The following MRPS6 variants were observed in gnomAD, a reference collection of about 807,000 sequenced individuals.
MRPS6 encodes mitochondrial ribosomal protein S6.
Under a neutral mutation model 13.1 loss-of-function variants are expected in MRPS6, and 6 were observed. The ratio of observed to expected loss-of-function variants is 0.46; its 90% CI spans 0.25 to 0.91. The LOEUF is 0.91. Ranked by LOEUF, MRPS6 falls within the 40% of genes least tolerant of loss-of-function variation. The pLI is 0.18. For synonymous variants in MRPS6, 61 were observed against 56.5 expected, an observed-to-expected ratio of 1.08 and a Z score of -0.36; for missense variants, 164 against 155.6, an observed-to-expected ratio of 1.05 and a Z score of -0.29.
intron 1 of MRPS6, among the ~76,000 whole-genome samples, chr21:34,112,433 A>C (rs1979741652): frequency 6.6e-6 from 1 of 152,332 alleles, no homozygotes; most frequent in African/African-American, 2.4e-5. Flanking sequence ...TTTCAAAAAA[A>C]CAGTTTGAGA....
chr21:34,103,700 A>G (rs969226178), intron 1 of MRPS6: 1 of 1,000,178 alleles, frequency 1.0e-6, no homozygotes, highest in Non-Finnish European at 1.2e-6. Context: ...TATGAGCACT[A>G]CAGTATTGAT....
intron 1 of MRPS6, among the ~76,000 whole-genome samples, chr21:34,113,000 CA>C (rs1192766694): frequency 2.6e-5 from 4 of 151,806 alleles, no homozygotes; most frequent in African/African-American, 9.7e-5. Context: ...CTATCAAAAA[CA>C]AACAAATGAA....
chr21:34,095,331 T>C, intron 1 of MRPS6: 2 of 1,614,106 alleles, frequency 1.2e-6, no homozygotes, highest in Non-Finnish European at 1.7e-6. Flanking sequence ...GGCGGGGCGC[T>C]CTATGACCTG....
chr21:34,126,242 T>C (rs1349894477), intron 2 of MRPS6, among the ~76,000 whole-genome samples: 1 of 152,152 alleles, frequency 6.6e-6, no homozygotes, highest in Non-Finnish European at 1.5e-5. Context: ...AGGTTATGGG[T>C]CTCCCATCTG....
chr21:34,131,041 T>C (rs189135084), intron 2 of MRPS6, among the ~76,000 whole-genome samples: 2 of 152,304 alleles, frequency 1.3e-5, no homozygotes, highest in East Asian at 3.9e-4. Flanking sequence ...TGGTCGAAGG[T>C]GCTGGGAATG....
chr21:34,105,599 G>C, intron 1 of MRPS6: 7 of 999,800 alleles, frequency 7.0e-6, no homozygotes, highest in Non-Finnish European at 7.2e-6. Flanking sequence ...AGTACACTGG[G>C]GGTGTATATT....
intron 1 of MRPS6, among the ~76,000 whole-genome samples, chr21:34,111,198 T>C (rs1270370447): frequency 2.0e-5 from 3 of 152,212 alleles, no homozygotes; most frequent in Non-Finnish European, 4.4e-5. Context: ...ATTTGGGGGC[T>C]ACAAATAAAT....
At chr21:34,108,039 G>T (rs985326990) in intron 1 of MRPS6, among the ~76,000 whole-genome samples, 15 of 152,148 alleles carry the variant, frequency 9.9e-5, no homozygotes, top group Non-Finnish European at 2.2e-4. Context: ...CGTATATGAT[G>T]GTGGTCCTAT....
intron 1 of MRPS6, among the ~76,000 whole-genome samples, chr21:34,117,996 A>C (rs1179514123): frequency 6.6e-6 from 1 of 152,174 alleles, no homozygotes; most frequent in Non-Finnish European, 1.5e-5. Context: ...TGACAATTAA[A>C]TGACCACTTG....
intron 2 of MRPS6, among the ~76,000 whole-genome samples, chr21:34,129,442 A>G (rs540791738): frequency 2.6e-5 from 4 of 152,326 alleles, no homozygotes; most frequent in East Asian, 1.9e-4. Flanking sequence ...ATGCCTGTGT[A>G]TAAGAACTCT....
chr21:34,140,402 T>G (rs1267373596), intron 2 of MRPS6, among the ~76,000 whole-genome samples: 1 of 152,232 alleles, frequency 6.6e-6, no homozygotes, highest in Non-Finnish European at 1.5e-5. Flanking sequence ...AGATATCTGT[T>G]TAGTTTCCAA....
At chr21:34,114,946 T>G (rs1979844410) in intron 1 of MRPS6, among the ~76,000 whole-genome samples, 1 of 152,216 alleles carries the variant, frequency 6.6e-6, no homozygotes, top group South Asian at 2.1e-4. Flanking sequence ...CCAATGCTGG[T>G]ATTGATGGCT....
chr21:34,077,680 A>C (rs998008752), intron 1 of MRPS6, among the ~76,000 whole-genome samples: 4 of 152,210 alleles, frequency 2.6e-5, no homozygotes, highest in Admixed American at 2.6e-4. Flanking sequence ...TTTAATACTC[A>C]ACGCAGATTA....
At chr21:34,089,154 AG>A (rs1438256050) in intron 1 of MRPS6, among the ~76,000 whole-genome samples, 2 of 151,832 alleles carry the variant, frequency 1.3e-5, no homozygotes, top group African/African-American at 4.8e-5. Flanking sequence ...CAGCCTCCTG[AG>A]TAGCTGGGAT....
At chr21:34,118,549 C>A (rs1029465073) in intron 1 of MRPS6, among the ~76,000 whole-genome samples, 4 of 144,724 alleles carry the variant, frequency 2.8e-5, no homozygotes, top group East Asian at 2.0e-4. Context: ...ACATTTCTTT[C>A]TTTCTTTCTT....
intron 1 of MRPS6, chr21:34,097,420 T>G: frequency 7.4e-7 from 1 of 1,356,822 alleles, no homozygotes; most frequent in Non-Finnish European, 9.4e-7. Context: ...AAAAAAGTTA[T>G]GTAACTGTGC....
Position 34,073,618 on chromosome 21 carries a change from G to GGTCCCCACT in MRPS6, c.-76_-68dup, listed in dbSNP as rs1989241338. The GGTCCCCACT allele has an allele frequency of 1.6e-6, 2 of 1,250,414 alleles. No individual in the cohort carries two copies. The highest frequency in any genetic ancestry group is 1.1e-6 in the Non-Finnish European group (1 of 900,778). 77.5% of individuals were successfully genotyped at this position (1,250,414 alleles called of 1,614,324 possible). A position where few individuals can be genotyped will look rare whatever the true frequency, so the allele number is the denominator to read the frequency against. Reference sequence around the variant, plus strand: ...GAGCCGTCCGGCGCAGCAGTTTCTAGGTCCCCACTGTCCCCGCCGTCCCGC... The same window carrying GGTCCCCACT: ...GAGCCGTCCGGCGCAGCAGTTTCTAGGTCCCCACTGTCCCCACTGTCCCCGCCGTCCCGC... On this transcript the variant is annotated 5_prime_UTR_variant, in exon 1 of 3. Transcript: ENST00000399312.
At chr21:34,077,820 A>G (rs575734124) in intron 1 of MRPS6, among the ~76,000 whole-genome samples, 1 of 152,304 alleles carries the variant, frequency 6.6e-6, no homozygotes, top group Non-Finnish European at 1.5e-5. Flanking sequence ...AAAATGTAGA[A>G]AACAGTTGGT....
chr21:34,076,165 A>G (rs1989325816), intron 1 of MRPS6, among the ~76,000 whole-genome samples: 1 of 152,184 alleles, frequency 6.6e-6, no homozygotes, highest in African/African-American at 2.4e-5. Flanking sequence ...AAGAAACTAT[A>G]GTTTTCCAGC....
Sources: gnomAD v4.1 joint callset for allele counts (sites outside exome capture counted in the v4.1 genomes callset) on GRCh38, gnomAD v4.1.1 for gene constraint, MANE v1.5 for transcripts, NCBI Gene and HGNC (gene_info 2026-07-23, HGNC 2026-07-21) for gene names.